Variants in C2orf49 observed in about 807,000 individuals in gnomAD.
C2orf49 encodes tRNA-splicing ligase complex subunit ASW.
Under a neutral mutation model 20.6 loss-of-function variants are expected in C2orf49, and 11 were observed. The observed-to-expected ratio is 0.53, with a 90% CI of 0.34 to 0.88. C2orf49 has a LOEUF of 0.88. Ranked by LOEUF, C2orf49 falls within the 40% of genes least tolerant of loss-of-function variation. C2orf49 has a pLI of 0.02. For missense variants in C2orf49, 289 were observed against 274.2 expected (o/e 1.05, Z -0.38); for synonymous variants, 134 against 108.5 (o/e 1.24, Z -1.46).
chr2:105,354,622 C>T, the C2orf49 span, among the ~76,000 whole-genome samples: 1 of 151,620 alleles, frequency 6.6e-6, no homozygotes, highest in Non-Finnish European at 1.5e-5. Flanking sequence ...GCCCTGATCG[C>T]ACCATTGCAC....
chr2:105,370,037 C>A, the C2orf49 span, among the ~76,000 whole-genome samples: 1 of 152,194 alleles, frequency 6.6e-6, no homozygotes, highest in African/African-American at 2.4e-5. Flanking sequence ...CTCCCGCAGG[C>A]GGAAGCGCAG....
chr2:105,358,084 T>C, the C2orf49 span: 1 of 152,350 alleles, frequency 6.6e-6, no homozygotes, highest in African/African-American at 2.4e-5. Context: ...TGGTTTTCTG[T>C]GTTAAACTTC....
downstream of C2orf49, among the ~76,000 whole-genome samples, chr2:105,351,325 CCA>C (rs759014825): frequency 6.0e-3 from 603 of 99,808 alleles, 2 homozygotes; most frequent in Middle Eastern, 0.011. Flanking sequence ...CCCCCCCCCC[CCA>C]AAAAAAAAGG....
chr2:105,381,926 C>T, the C2orf49 span, among the ~76,000 whole-genome samples: 1 of 152,182 alleles, frequency 6.6e-6, no homozygotes, highest in African/African-American at 2.4e-5. Flanking sequence ...TGTGTTACAC[C>T]GAGGACAGAA....
chr2:105,355,534 G>A, the C2orf49 span, among the ~76,000 whole-genome samples: 1 of 150,240 alleles, frequency 6.7e-6, no homozygotes, highest in African/African-American at 2.4e-5. Flanking sequence ...GAAACATCAG[G>A]CAGTAGAGAC....
chr2:105,337,967 T>A (rs999562635), intron 1 of C2orf49, among the ~76,000 whole-genome samples: 1 of 152,174 alleles, frequency 6.6e-6, no homozygotes, highest in Non-Finnish European at 1.5e-5. Context: ...ACCCCCTGCC[T>A]GTGTGTAAGC....
At chr2:105,379,173 C>G in the C2orf49 span, among the ~76,000 whole-genome samples, 1 of 152,180 alleles carries the variant, frequency 6.6e-6, no homozygotes, top group South Asian at 2.1e-4. Flanking sequence ...GTAATTGAAC[C>G]TCTCTTGCCA....
chr2:105,384,929 T>G, the C2orf49 span, among the ~76,000 whole-genome samples: 1 of 152,138 alleles, frequency 6.6e-6, no homozygotes, highest in Non-Finnish European at 1.5e-5. Context: ...GTGGCTGAGC[T>G]CTCATGCTTG....
chr2:105,358,727 C>A, the C2orf49 span: 1 of 152,214 alleles, frequency 6.6e-6, no homozygotes, highest in Non-Finnish European at 1.5e-5. Context: ...GGAAGAGGGT[C>A]GGTCAGCTAA....
At chr2:105,371,553 T>A in the C2orf49 span, among the ~76,000 whole-genome samples, 24 of 129,346 alleles carry the variant, frequency 1.9e-4, no homozygotes, top group African/African-American at 7.0e-4. Context: ...GAAATCTCTC[T>A]CTCTCTCTCT....
intron 2 of C2orf49, among the ~76,000 whole-genome samples, chr2:105,341,697 A>C (rs1043493899): frequency 5.9e-5 from 9 of 152,198 alleles, no homozygotes. Flanking sequence ...AAATCTGGTT[A>C]AAAGGTGAGT....
the C2orf49 span, among the ~76,000 whole-genome samples, chr2:105,382,370 G>A: frequency 1.3e-5 from 2 of 152,198 alleles, no homozygotes; most frequent in African/African-American, 4.8e-5. Context: ...GGTCCTGCCC[G>A]AGGCTGCAGG....
chr2:105,366,227 A>C, the C2orf49 span, among the ~76,000 whole-genome samples: 34 of 152,236 alleles, frequency 2.2e-4, no homozygotes, highest in African/African-American at 7.9e-4. Flanking sequence ...GAAAAAAAAA[A>C]AGGAAATGAG....
the C2orf49 span, among the ~76,000 whole-genome samples, chr2:105,381,386 A>G: frequency 1.3e-5 from 2 of 152,258 alleles, no homozygotes; most frequent in African/African-American, 4.8e-5. Context: ...CCCGTGAGCT[A>G]GGAACCCCAG....
the C2orf49 span, among the ~76,000 whole-genome samples, chr2:105,379,144 C>T: frequency 1.3e-5 from 2 of 152,306 alleles, no homozygotes; most frequent in South Asian, 4.1e-4. Context: ...CCCTATGCCA[C>T]GTACATCACC....
the C2orf49 span, chr2:105,373,629 C>G: frequency 1.1e-5 from 18 of 1,614,236 alleles, no homozygotes; most frequent in South Asian, 2.0e-4. Context: ...CTGTACAGAG[C>G]AGCTGGTCCT....
chr2:105,377,163 T>A, the C2orf49 span, among the ~76,000 whole-genome samples: 1 of 152,322 alleles, frequency 6.6e-6, no homozygotes, highest in African/African-American at 2.4e-5. Flanking sequence ...ACTAATGGAA[T>A]ACTAGGCGTA....
the C2orf49 span, among the ~76,000 whole-genome samples, chr2:105,364,566 C>CTT: frequency 6.6e-6 from 1 of 152,194 alleles, no homozygotes; most frequent in Non-Finnish European, 1.5e-5. Flanking sequence ...CCAAATGTTG[C>CTT]ATCTCACATT....
intron 3 of C2orf49, 133 bp from the exon 4 acceptor site, chr2:105,345,182 A>G: frequency 1.3e-6 from 1 of 742,356 alleles, no homozygotes; most frequent in Non-Finnish European, 2.2e-6. Context: ...TTCTTTAAAT[A>G]TATTCCCACC....
Sources: allele counts gnomAD v4.1 joint callset (sites outside exome capture counted in the v4.1 genomes callset), GRCh38; gene constraint gnomAD v4.1.1; transcripts MANE v1.5; gene names NCBI Gene and HGNC (gene_info 2026-07-23, HGNC 2026-07-21).